ARK2C: variants seen among roughly 807,000 people sequenced by gnomAD.
ARK2C encodes E3 ubiquitin-protein ligase ARK2C.
the ARK2C span, among the ~76,000 whole-genome samples, chr18:46,381,136 GACGGCA>G: frequency 6.6e-6 from 1 of 152,244 alleles, no homozygotes; most frequent in Non-Finnish European, 1.5e-5. Flanking sequence ...CATGGAGTGA[GACGGCA>G]ACGCTGTTCT....
At chr18:46,431,629 CCTG>C in the ARK2C span, among the ~76,000 whole-genome samples, 7,532 of 152,248 alleles carry the variant, frequency 0.049, 271 homozygotes, top group Non-Finnish European at 0.071. Context: ...TTCACTTAAT[CCTG>C]CTGTGTTTGT....
At chr18:46,404,744 C>G in the ARK2C span, among the ~76,000 whole-genome samples, 1 of 151,644 alleles carries the variant, frequency 6.6e-6, no homozygotes, top group African/African-American at 2.4e-5. Context: ...CAGAGCGAGA[C>G]TCCATCTCAA....
the ARK2C span, among the ~76,000 whole-genome samples, chr18:46,423,877 CT>C: frequency 6.6e-6 from 1 of 152,210 alleles, no homozygotes; most frequent in Non-Finnish European, 1.5e-5. Context: ...ATAAAGAACT[CT>C]TTCTTCCTCC....
At chr18:46,449,490 G>A in the ARK2C span, among the ~76,000 whole-genome samples, 2 of 152,162 alleles carry the variant, frequency 1.3e-5, no homozygotes, top group Non-Finnish European at 2.9e-5. Flanking sequence ...TTCTCTTGGA[G>A]GCAGTGCAGA....
chr18:46,414,582 A>C, the ARK2C span, among the ~76,000 whole-genome samples: 4 of 152,226 alleles, frequency 2.6e-5, no homozygotes, highest in African/African-American at 9.7e-5. Flanking sequence ...ACATGCTCGC[A>C]CATGCCCATA....
At chr18:46,445,967 A>G in the ARK2C span, among the ~76,000 whole-genome samples, 1 of 150,208 alleles carries the variant, frequency 6.7e-6, no homozygotes, top group Non-Finnish European at 1.5e-5. Context: ...GTTTCCCCTT[A>G]CCTGGATTTT....
At chr18:46,353,635 G>T in the ARK2C span, among the ~76,000 whole-genome samples, 1 of 152,234 alleles carries the variant, frequency 6.6e-6, no homozygotes, top group Non-Finnish European at 1.5e-5. Context: ...GAAAGTCAGA[G>T]AGTGGGAGTG....
chr18:46,358,480 C>G, the ARK2C span, among the ~76,000 whole-genome samples: 1 of 152,174 alleles, frequency 6.6e-6, no homozygotes. Flanking sequence ...AAGCCTGAAG[C>G]GTACCCGAAA....
chr18:46,348,971 C>T, the ARK2C span, among the ~76,000 whole-genome samples: 1 of 149,380 alleles, frequency 6.7e-6, no homozygotes, highest in Non-Finnish European at 1.5e-5. Flanking sequence ...ATACCTTGAA[C>T]TTGGTTGCAT....
chr18:46,446,528 G>A, the ARK2C span, among the ~76,000 whole-genome samples: 4 of 151,666 alleles, frequency 2.6e-5, no homozygotes, highest in African/African-American at 7.3e-5. Flanking sequence ...AAAGTTATCC[G>A]GGCGTGGTGT....
At chr18:46,373,646 G>A in the ARK2C span, among the ~76,000 whole-genome samples, 3 of 152,316 alleles carry the variant, frequency 2.0e-5, no homozygotes, top group Admixed American at 6.5e-5. Context: ...CTGGCTCCTC[G>A]GGCTCCAGGG....
chr18:46,431,067 C>T, the ARK2C span, among the ~76,000 whole-genome samples: 4 of 152,218 alleles, frequency 2.6e-5, no homozygotes, highest in African/African-American at 7.2e-5. Context: ...GGACAGGCCC[C>T]GGTGTGTGAT....
chr18:46,346,887 G>T, the ARK2C span, among the ~76,000 whole-genome samples: 1 of 152,218 alleles, frequency 6.6e-6, no homozygotes, highest in Non-Finnish European at 1.5e-5. Context: ...GCTTAATTGT[G>T]TAAGCAGTTA....
chr18:46,365,372 C>T, the ARK2C span, among the ~76,000 whole-genome samples: 2 of 152,292 alleles, frequency 1.3e-5, no homozygotes, highest in East Asian at 1.9e-4. Flanking sequence ...CTCTAGAAGT[C>T]TCTGGAAGAG....
At chr18:46,392,312 G>C in the ARK2C span, among the ~76,000 whole-genome samples, 3 of 152,194 alleles carry the variant, frequency 2.0e-5, no homozygotes, top group Non-Finnish European at 4.4e-5. Context: ...CTCCCTGAAT[G>C]CTTGAAGGAA....
At chr18:46,354,313 G>T in the ARK2C span, among the ~76,000 whole-genome samples, 3 of 152,206 alleles carry the variant, frequency 2.0e-5, no homozygotes. Flanking sequence ...AGTGTGGGCA[G>T]AATTGGACAC....
At chr18:46,368,991 G>A in the ARK2C span, among the ~76,000 whole-genome samples, 1 of 152,204 alleles carries the variant, frequency 6.6e-6, no homozygotes. Context: ...TACTTACTTA[G>A]ATTGTCTGAT....
At chr18:46,367,114 C>T in the ARK2C span, among the ~76,000 whole-genome samples, 7 of 152,152 alleles carry the variant, frequency 4.6e-5, no homozygotes, top group Admixed American at 6.5e-5. Context: ...AGGCTCCTAC[C>T]GGCTGCCCAT....
chr18:46,447,492 T>A, the ARK2C span: 7 of 1,569,546 alleles, frequency 4.5e-6, no homozygotes, highest in Non-Finnish European at 5.3e-6. Context: ...ATAGGCTTGA[T>A]GTCTGAGGTC....
Sources: gnomAD v4.1 joint callset for allele counts (sites outside exome capture counted in the v4.1 genomes callset) on GRCh38, gnomAD v4.1.1 for gene constraint, MANE v1.5 for transcripts, NCBI Gene and HGNC (gene_info 2026-07-23, HGNC 2026-07-21) for gene names.